BAALC: variants seen among roughly 807,000 people sequenced by gnomAD.
BAALC encodes the protein BAALC binder of MAP3K1 and KLF4.
BAALC carries 9 observed loss-of-function variants against 15.5 expected under a neutral mutation model. The ratio of observed to expected loss-of-function variants is 0.58; its 90% CI spans 0.35 to 1.02. The LOEUF is 1.02. Ranked by LOEUF, BAALC falls within the 50% of genes least tolerant of loss-of-function variation. The pLI, the probability that BAALC is intolerant of heterozygous loss-of-function variation, is 0.02. For synonymous variants in BAALC, 80 were observed against 74.6 expected, an observed-to-expected ratio of 1.07 and a Z score of -0.37; for missense variants, 201 against 192.4, an observed-to-expected ratio of 1.04 and a Z score of -0.27.
intron 1 of BAALC, among the ~76,000 whole-genome samples, chr8:103,167,627 AG>A (rs1811379722): frequency 1.3e-5 from 2 of 152,172 alleles, no homozygotes; most frequent in African/African-American, 4.8e-5. Flanking sequence ...TTCTAGCAAA[AG>A]GAACAGCATG....
chr8:103,144,316 C>G (rs956336083), intron 1 of BAALC, among the ~76,000 whole-genome samples: 1 of 152,186 alleles, frequency 6.6e-6, no homozygotes, highest in Non-Finnish European at 1.5e-5. Context: ...ATCATCTCCA[C>G]TACTCAATGG....
intron 1 of BAALC, among the ~76,000 whole-genome samples, chr8:103,156,237 A>C (rs764824871): frequency 6.6e-6 from 1 of 152,244 alleles, no homozygotes; most frequent in Non-Finnish European, 1.5e-5. Flanking sequence ...CATGCTGAAC[A>C]CTCAAATAAT....
At position 103,161,468 on chromosome 8, in the gene BAALC, C is replaced by T. The variant is rs146239215; in HGVS notation, c.160+20411C>T. 1.0e-3 allele frequency among the ~76,000 whole-genome samples: 153 copies of T among 152,274 alleles called. 1 individual carries two copies. Among genetic ancestry groups the T allele is most frequent in the African/African-American group, 3.5e-3 (147 of 41,570 alleles). ...TCACTTCAAAGCACTACATAAATTC[C>T]TCATTCCTTTTTATAGCTGCATAGC... On this transcript the variant is annotated intron_variant, in intron 1 of 2. Transcript: ENST00000309982.
At chr8:103,152,093 G>A (rs188120907) in intron 1 of BAALC, among the ~76,000 whole-genome samples, 182 of 152,130 alleles carry the variant, frequency 1.2e-3, no homozygotes, top group Non-Finnish European at 2.0e-3. Flanking sequence ...TAGGCAGAAC[G>A]ATCTTTTAAA....
intron 1 of BAALC, among the ~76,000 whole-genome samples, chr8:103,141,996 C>T (rs921241799): frequency 1.3e-5 from 2 of 152,170 alleles, no homozygotes; most frequent in African/African-American, 2.4e-5. Context: ...GAAAAAATCT[C>T]ACTACTTATT....
rs1812457246 is a variant in BAALC, at chr8:103,212,061, C to T, written c.161-858C>T. On this transcript the variant is annotated intron_variant, in intron 1 of 2. Transcript: ENST00000309982. ...GTAGTCCTCTCCCTTTTCAGTGAGGCTATTTATTTAAACTTCTATCATTTC... is the reference window on the plus strand; with the variant it reads ...GTAGTCCTCTCCCTTTTCAGTGAGGTTATTTATTTAAACTTCTATCATTTC... Among the ~76,000 whole-genome samples the T allele has an allele frequency of 2.0e-5, 3 of 152,148 alleles. No individual in the cohort carries two copies. In the South Asian group the frequency reaches 6.2e-4, roughly 32 times the overall value.
At chr8:103,164,098 C>T (rs1001295574) in intron 1 of BAALC, among the ~76,000 whole-genome samples, 2 of 152,122 alleles carry the variant, frequency 1.3e-5, no homozygotes, top group South Asian at 4.1e-4. Flanking sequence ...GGTGGTAAGG[C>T]GAGGGGTCTT....
intron 2 of BAALC, 158 bp downstream of exon 2, chr8:103,213,243 A>T (rs1201688340): frequency 2.1e-5 from 16 of 760,826 alleles, no homozygotes; most frequent in Non-Finnish European, 3.2e-5. Flanking sequence ...ATTGCTGCAA[A>T]CCCCACCCCA....
At chr8:103,213,262 C>A in intron 2 of BAALC, 177 bp downstream of exon 2, 2 of 627,138 alleles carry the variant, frequency 3.2e-6, no homozygotes, top group Non-Finnish European at 5.2e-6. Context: ...CAAAACCCTG[C>A]CTTGAGGGTT....
At chr8:103,178,878 G>T (rs35086518) in intron 1 of BAALC, among the ~76,000 whole-genome samples, 7 of 118,692 alleles carry the variant, frequency 5.9e-5, no homozygotes, top group Admixed American at 8.7e-5. Context: ...AAAAAAAAAA[G>T]TTAATTTAAA....
At chr8:103,149,922 T>C (rs1201414744) in intron 1 of BAALC, among the ~76,000 whole-genome samples, 3 of 152,190 alleles carry the variant, frequency 2.0e-5, no homozygotes, top group Non-Finnish European at 2.9e-5. Flanking sequence ...ATATTTTTCC[T>C]AGCTGTTTTC....
chr8:103,162,240 GA>G (rs1316933481), intron 1 of BAALC, among the ~76,000 whole-genome samples: 1 of 151,972 alleles, frequency 6.6e-6, no homozygotes, highest in African/African-American at 2.4e-5. Context: ...GGGATTACAG[GA>G]ATGAGCCACC....
intron 1 of BAALC, among the ~76,000 whole-genome samples, chr8:103,195,463 C>T (rs1191458938): frequency 6.6e-6 from 1 of 152,186 alleles, no homozygotes; most frequent in Non-Finnish European, 1.5e-5. Context: ...GAAGGCTCAA[C>T]ATACTGTCCT....
chr8:103,187,142 T>TAC (rs1196089324), intron 1 of BAALC, among the ~76,000 whole-genome samples: 10 of 152,268 alleles, frequency 6.6e-5, no homozygotes, highest in Admixed American at 2.6e-4. Flanking sequence ...TCCCATCCCA[T>TAC]ACACACACAC....
intron 1 of BAALC, among the ~76,000 whole-genome samples, chr8:103,194,107 T>C (rs1040293203): frequency 1.3e-5 from 2 of 152,168 alleles, no homozygotes; most frequent in Non-Finnish European, 2.9e-5. Flanking sequence ...ACTCTCAGAC[T>C]TTCTTATGAA....
chr8:103,164,998 T>A (rs1811313231), intron 1 of BAALC, among the ~76,000 whole-genome samples: 1 of 152,182 alleles, frequency 6.6e-6, no homozygotes, highest in Non-Finnish European at 1.5e-5. Context: ...TTGGTATCTG[T>A]CTTGCATTTG....
chr8:103,219,794 G>T (rs1422567334), intron 2 of BAALC, among the ~76,000 whole-genome samples: 1 of 152,190 alleles, frequency 6.6e-6, no homozygotes, highest in Non-Finnish European at 1.5e-5. Flanking sequence ...AACAATTAGG[G>T]TGTGTTATTG....
intron 1 of BAALC, among the ~76,000 whole-genome samples, chr8:103,187,736 G>T (rs948543715): frequency 6.6e-6 from 1 of 152,188 alleles, no homozygotes; most frequent in African/African-American, 2.4e-5. Flanking sequence ...GGTAAGGCTT[G>T]CTGGGCCTGG....
In BAALC at chr8:103,228,024, A is replaced by C; in HGVS notation, c.363A>C (p.Glu121Asp). 4 of 1,613,782 alleles carry C rather than the reference A, an allele frequency of 2.5e-6. No individual in the cohort carries two copies. In the South Asian group the frequency reaches 4.4e-5, roughly 18 times the overall value. Residue 121 changes from glutamate to aspartate, a missense_variant, in exon 3 of 3, where the codon GAA becomes GAC. Transcript: ENST00000309982. ...ATGCTAAGAGAATGCCTGCAAAAGA[A>C]GTCACCATTAATGTAACAGATAGCA... Reference protein sequence around the residue: ...KRDAKRMPAKEVTINVTDSIQ... With the variant: ...KRDAKRMPAKDVTINVTDSIQ...
Sources: gnomAD v4.1 joint callset for allele counts (sites outside exome capture counted in the v4.1 genomes callset) on GRCh38, gnomAD v4.1.1 for gene constraint, MANE v1.5 for transcripts, NCBI Gene and HGNC (gene_info 2026-07-23, HGNC 2026-07-21) for gene names.